Variants in ZBTB20 observed in about 807,000 individuals in gnomAD.
ZBTB20 encodes zinc finger and BTB domain-containing protein 20.
A neutral mutation model predicts 56.9 loss-of-function variants in ZBTB20; 9 were observed. The observed-to-expected ratio is 0.16, with a 90% CI of 0.10 to 0.28. The LOEUF (loss-of-function observed/expected upper bound fraction) is 0.28. Among genes scored for constraint, ZBTB20 ranks in the 10% least tolerant of loss-of-function variants. The probability of loss-of-function intolerance (pLI) is 1.00; values close to 1 mark genes in which losing one functional copy is unlikely to be tolerated. For synonymous variants in ZBTB20, 417 were observed against 420.7 expected (o/e 0.99, Z 0.11); for missense variants, 655 against 1,003.0 (o/e 0.65, Z 4.69).
chr3:114,743,767 A>G (rs2066807096), intron 5 of ZBTB20: 1 of 152,744 alleles, frequency 6.5e-6, no homozygotes, highest in South Asian at 2.1e-4. Flanking sequence ...ATCCACCTCC[A>G]TGGGGTTGTT....
chr3:114,743,666 A>G (rs2066795665), intron 5 of ZBTB20: 1 of 154,190 alleles, frequency 6.5e-6, no homozygotes, highest in Admixed American at 6.5e-5. Flanking sequence ...CCTACCCTAG[A>G]CTCTGAATCA....
intron 7 of ZBTB20, among the ~76,000 whole-genome samples, chr3:114,432,326 T>C (rs144172282): frequency 1.8e-4 from 28 of 152,322 alleles, no homozygotes; most frequent in African/African-American, 6.5e-4. Context: ...GAAAATATTA[T>C]GTGAAAATTA....
chr3:114,341,009 G>C (rs1343748138), intron 11 of ZBTB20, among the ~76,000 whole-genome samples: 1 of 152,118 alleles, frequency 6.6e-6, no homozygotes, highest in Non-Finnish European at 1.5e-5. Flanking sequence ...TATGTAGCAG[G>C]GTTGGTATTA....
At chr3:114,862,998 A>T (rs892344068) in intron 4 of ZBTB20, among the ~76,000 whole-genome samples, 3 of 152,150 alleles carry the variant, frequency 2.0e-5, no homozygotes, top group Non-Finnish European at 2.9e-5. Context: ...CAGAACTTAA[A>T]TTACTGTTTA....
chr3:114,962,932 G>A (rs1178560846), intron 3 of ZBTB20, among the ~76,000 whole-genome samples: 2 of 152,000 alleles, frequency 1.3e-5, no homozygotes, highest in Non-Finnish European at 2.9e-5. Flanking sequence ...TGTGAAACAG[G>A]TTCTGTCAGT....
chr3:114,731,686 C>G (rs1425875769), intron 5 of ZBTB20, among the ~76,000 whole-genome samples: 1 of 151,900 alleles, frequency 6.6e-6, no homozygotes, highest in African/African-American at 2.4e-5. Context: ...TCCAGCTGTA[C>G]CTAGATTAGT....
At chr3:114,539,140 A>G (rs972679844) in intron 6 of ZBTB20, among the ~76,000 whole-genome samples, 35 of 152,190 alleles carry the variant, frequency 2.3e-4, no homozygotes, top group African/African-American at 8.4e-4. Context: ...GCTCCTTCCA[A>G]TTTTAAGTTT....
At chr3:114,826,256 C>T (rs986730777) in intron 4 of ZBTB20, among the ~76,000 whole-genome samples, 1 of 151,544 alleles carries the variant, frequency 6.6e-6, no homozygotes, top group Non-Finnish European at 1.5e-5. Context: ...CTTCCCAAAT[C>T]GTCATTTTTA....
intron 7 of ZBTB20, among the ~76,000 whole-genome samples, chr3:114,422,635 G>C (rs1463225236): frequency 6.6e-6 from 1 of 152,086 alleles, no homozygotes; most frequent in Non-Finnish European, 1.5e-5. Context: ...AAATCAAACT[G>C]AACATAACTT....
intron 7 of ZBTB20, among the ~76,000 whole-genome samples, chr3:114,453,860 CTT>C (rs1049466663): frequency 6.0e-5 from 9 of 150,794 alleles, no homozygotes; most frequent in African/African-American, 2.2e-4. Context: ...GTTCCTGTCT[CTT>C]TCTTTTTAGG....
intron 6 of ZBTB20, among the ~76,000 whole-genome samples, chr3:114,522,375 T>C (rs562359460): frequency 6.6e-6 from 1 of 152,090 alleles, no homozygotes; most frequent in Non-Finnish European, 1.5e-5. Flanking sequence ...GAGCGCTAAA[T>C]GAAGACAGAG....
intron 11 of ZBTB20, among the ~76,000 whole-genome samples, chr3:114,346,819 G>C (rs1221041951): frequency 2.0e-5 from 3 of 151,772 alleles, no homozygotes; most frequent in Non-Finnish European, 4.4e-5. Context: ...CCAAGTAGCT[G>C]GAACTATAGG....
intron 2 of ZBTB20, among the ~76,000 whole-genome samples, chr3:115,004,719 C>A (rs1010138912): frequency 6.6e-6 from 1 of 151,632 alleles, no homozygotes; most frequent in Admixed American, 6.6e-5. Flanking sequence ...ATTTCTTTAA[C>A]TGAGGAAGAC....
intron 7 of ZBTB20, among the ~76,000 whole-genome samples, chr3:114,459,937 A>G (rs983522989): frequency 1.3e-5 from 2 of 152,050 alleles, no homozygotes; most frequent in Admixed American, 6.6e-5. Context: ...TTTAAATGCC[A>G]TTTAGGAACA....
intron 6 of ZBTB20, among the ~76,000 whole-genome samples, chr3:114,540,557 TC>T (rs2048997074): frequency 6.6e-6 from 1 of 152,134 alleles, no homozygotes; most frequent in Non-Finnish European, 1.5e-5. Flanking sequence ...TATTCCCTTA[TC>T]CCCAGTGCAG....
At chr3:114,877,492 C>G (rs2076243671) in intron 4 of ZBTB20, among the ~76,000 whole-genome samples, 1 of 152,192 alleles carries the variant, frequency 6.6e-6, no homozygotes, top group Non-Finnish European at 1.5e-5. Context: ...TTGGGCAAAT[C>G]ATTCATTTTA....
chr3:114,633,025 T>C (rs993803336), intron 6 of ZBTB20, among the ~76,000 whole-genome samples: 16 of 152,222 alleles, frequency 1.1e-4, no homozygotes, highest in African/African-American at 3.6e-4. Flanking sequence ...ATATGACTTT[T>C]TTACTACATA....
intron 6 of ZBTB20, among the ~76,000 whole-genome samples, chr3:114,520,707 A>G (rs1666318422): frequency 6.6e-6 from 1 of 152,128 alleles, no homozygotes; most frequent in Non-Finnish European, 1.5e-5. Context: ...CTGTATCTTG[A>G]GCCATTACTT....
intron 2 of ZBTB20, among the ~76,000 whole-genome samples, chr3:115,042,737 T>C (rs1345951970): frequency 6.6e-6 from 1 of 152,186 alleles, no homozygotes; most frequent in African/African-American, 2.4e-5. Context: ...TAAAATTTTA[T>C]TTTACAGTGA....
Sources: allele counts gnomAD v4.1 joint callset (sites outside exome capture counted in the v4.1 genomes callset), GRCh38; gene constraint gnomAD v4.1.1; transcripts MANE v1.5; gene names NCBI Gene and HGNC (gene_info 2026-07-23, HGNC 2026-07-21).